The following VAV2 variants were observed in gnomAD, a reference collection of about 807,000 sequenced individuals.
The protein encoded by VAV2 is guanine nucleotide exchange factor VAV2.
In VAV2, 67 loss-of-function variants were observed where a neutral mutation model predicts 132.5. That is an observed-to-expected ratio of 0.51 (90% CI 0.42 to 0.62). The LOEUF is 0.62. Among genes scored for constraint, VAV2 ranks in the 20% least tolerant of loss-of-function variants. The pLI, the probability that VAV2 is intolerant of heterozygous loss-of-function variation, is 0.00. For synonymous variants in VAV2, 492 were observed against 443.5 expected (o/e 1.11, Z -1.37); for missense variants, 938 against 1,153.6 (o/e 0.81, Z 2.71).
rs57238201 is a variant in VAV2, at chr9:133,935,389, G to A, written c.321+3714C>T. On this transcript the variant is annotated intron_variant, in intron 2 of 29. Coordinates refer to ENST00000371850, the MANE Select transcript of VAV2 (RefSeq NM_001134398.2). This position sits in a 1 kb window ranked among gnomAD's most constrained non-coding sequence, Gnocchi z 5.2. ...GCCTATCAGCCCCGCCCTCCACACCGGCTCCTTGTGGTCAACAAGCTGGGA... is the reference window on the plus strand; with the variant it reads ...GCCTATCAGCCCCGCCCTCCACACCAGCTCCTTGTGGTCAACAAGCTGGGA... 0.056 allele frequency among the ~76,000 whole-genome samples: 8,554 copies of A among 152,226 alleles called. 296 individuals are homozygous for A. The highest frequency in any genetic ancestry group is 0.088 in the Middle Eastern group (26 of 294).
chr9:133,873,950 C>A (rs370961058), intron 2 of VAV2, among the ~76,000 whole-genome samples: 1 of 152,234 alleles, frequency 6.6e-6, no homozygotes, highest in Non-Finnish European at 1.5e-5. Context: ...AGCTAACCAC[C>A]GTCTAGGCCT....
At chr9:133,946,500 G>A (rs926108550) in intron 1 of VAV2, among the ~76,000 whole-genome samples, 1 of 152,236 alleles carries the variant, frequency 6.6e-6, no homozygotes, top group African/African-American at 2.4e-5. Context: ...ACGCCCTGCG[G>A]CAAAGGCTCC....
chr9:133,815,686 A>G (rs1835530311), intron 4 of VAV2, among the ~76,000 whole-genome samples: 1 of 152,100 alleles, frequency 6.6e-6, no homozygotes, highest in Non-Finnish European at 1.5e-5. Flanking sequence ...ACAACGTGCT[A>G]CCCATCTTCC....
At position 133,776,357 on chromosome 9, in the gene VAV2, G is replaced by A. The variant is rs143706495; in HGVS notation, c.1966-277C>T. ...TTGATCCCCTGGGACAGCAAGGACC[G>A]AAGGTGCGGGAAGTTTTCAGCCAGT... is the stretch of plus-strand genomic sequence containing the variant. On this transcript the variant is annotated intron_variant, in intron 23 of 29. Transcript: ENST00000371850. Among the ~76,000 whole-genome samples the A allele has an allele frequency of 5.3e-3, 792 of 149,904 alleles. 20 individuals carry two copies. Among genetic ancestry groups the A allele is most frequent in the Admixed American group, 0.041 (613 of 15,116 alleles).
chr9:133,989,351 A>G (rs973801094), intron 1 of VAV2, among the ~76,000 whole-genome samples: 1 of 150,350 alleles, frequency 6.7e-6, no homozygotes, highest in African/African-American at 2.5e-5. Flanking sequence ...AAAAAAAAAA[A>G]AAACAAAAAA....
rs1467466314 is a variant in VAV2, at chr9:133,945,815, TC to T, written c.205-6597del. Among the ~76,000 whole-genome samples the T allele has an allele frequency of 3.3e-5, 5 of 152,034 alleles. No homozygotes were observed. In the East Asian group the frequency reaches 9.7e-4, roughly 29 times the overall value. On this transcript the variant is annotated intron_variant, in intron 1 of 29. Coordinates refer to ENST00000371850, the MANE Select transcript of VAV2 (RefSeq NM_001134398.2). ...GACTCCTGTCCTGCACAGTCCTACC[TC>T]CCCCTGGCCTCTTGCACACAACCAC...
Position 133,896,213 on chromosome 9 carries a change from G to C in VAV2, c.322-34781C>G, listed in dbSNP as rs760506357. On this transcript the variant is annotated intron_variant, in intron 2 of 29. Coordinates refer to ENST00000371850, the MANE Select transcript of VAV2 (RefSeq NM_001134398.2). Reference sequence around the variant, plus strand: ...CTTACGCCTATAATCCCAGCACTTTGGGAGCGCGAGGCATGCGGATCACTT... The same window carrying C: ...CTTACGCCTATAATCCCAGCACTTTCGGAGCGCGAGGCATGCGGATCACTT... 3.2e-4 allele frequency among the ~76,000 whole-genome samples: 48 copies of C among 152,222 alleles called. 1 individual carries two copies. The highest frequency in any genetic ancestry group is 6.0e-4 in the Non-Finnish European group (41 of 68,042).
rs991906856 is a variant in VAV2 at position 133,919,394 on chromosome 9, G to A, written c.321+19709C>T. On this transcript the variant is annotated intron_variant, in intron 2 of 29. Coordinates refer to ENST00000371850, the MANE Select transcript of VAV2 (RefSeq NM_001134398.2). This position sits in a 1 kb window ranked among gnomAD's most constrained non-coding sequence, Gnocchi z 5.8. Reference sequence around the variant, plus strand: ...TTGAAACCAGATCCTGGGAGCTGCAGACCATAATCTCTGCTTCACTGGGTG... The same window carrying A: ...TTGAAACCAGATCCTGGGAGCTGCAAACCATAATCTCTGCTTCACTGGGTG... Among the ~76,000 whole-genome samples the A allele has an allele frequency of 2.6e-5, 4 of 152,194 alleles. No individual in the cohort carries two copies. Among genetic ancestry groups the A allele is most frequent in the Non-Finnish European group, 4.4e-5 (3 of 68,038 alleles).
intron 2 of VAV2, among the ~76,000 whole-genome samples, chr9:133,871,511 TGGATGGTG>T (rs1838054666): frequency 2.8e-5 from 4 of 144,218 alleles, no homozygotes; most frequent in Middle Eastern, 3.3e-3. Context: ...GATGGATGGA[TGGATGGTG>T]GGTAGATGGA....
Position 133,883,824 on chromosome 9 carries a change from C to T in VAV2, c.322-22392G>A, listed in dbSNP as rs1414196654. Among the ~76,000 whole-genome samples, 1 of 152,204 alleles carries T rather than the reference C, an allele frequency of 6.6e-6. No homozygotes were observed. The highest frequency in any genetic ancestry group is 1.5e-5 in the Non-Finnish European group (1 of 68,044). On this transcript the variant is annotated intron_variant, in intron 2 of 29. Coordinates refer to ENST00000371850, the MANE Select transcript of VAV2 (RefSeq NM_001134398.2). This position sits in a 1 kb window ranked among gnomAD's most constrained non-coding sequence, Gnocchi z 4.2. ...ACTCACACTTGAGGTCCACAGGTGACTAGCAACTTTGCTTAAATTGATTCT... is the reference window on the plus strand; with the variant it reads ...ACTCACACTTGAGGTCCACAGGTGATTAGCAACTTTGCTTAAATTGATTCT...
At chr9:133,806,853 A>C (rs977440476) in intron 8 of VAV2, among the ~76,000 whole-genome samples, 1 of 152,252 alleles carries the variant, frequency 6.6e-6, no homozygotes, top group African/African-American at 2.4e-5. Flanking sequence ...TGCTCTGCTA[A>C]CCACGTCTAG....
intron 4 of VAV2, among the ~76,000 whole-genome samples, chr9:133,828,902 G>T (rs774837879): frequency 2.0e-5 from 3 of 152,162 alleles, no homozygotes; most frequent in Non-Finnish European, 4.4e-5. Context: ...TCCTCCTTGG[G>T]TGCTGAGGCC....
At chr9:133,812,708 G>A (rs1389525806) in intron 4 of VAV2, among the ~76,000 whole-genome samples, 2 of 152,132 alleles carry the variant, frequency 1.3e-5, no homozygotes, top group Non-Finnish European at 2.9e-5. Context: ...CAAAGTTTCC[G>A]GGTACATGGA....
chr9:133,854,401 G>T (rs1190252393), intron 3 of VAV2, among the ~76,000 whole-genome samples: 1 of 152,232 alleles, frequency 6.6e-6, no homozygotes, highest in Non-Finnish European at 1.5e-5. Context: ...AAACTTGGAG[G>T]CCCCAGCCAT....
chr9:133,965,532 A>G (rs766097174), intron 1 of VAV2, among the ~76,000 whole-genome samples: 37 of 150,734 alleles, frequency 2.5e-4, no homozygotes, highest in Middle Eastern at 3.4e-3. Context: ...AATACCATTT[A>G]TAACAGCTAC....
intron 2 of VAV2, among the ~76,000 whole-genome samples, chr9:133,866,301 TC>T (rs538586078): frequency 1.3e-3 from 194 of 152,342 alleles, no homozygotes; most frequent in African/African-American, 4.4e-3. Flanking sequence ...AAAGAGGGAT[TC>T]TACGTGTTGG....
At chr9:133,896,044 A>G (rs1839188217) in intron 2 of VAV2, among the ~76,000 whole-genome samples, 2 of 94,308 alleles carry the variant, frequency 2.1e-5, no homozygotes, top group Admixed American at 2.0e-4. Context: ...AAGTGAACAA[A>G]GGTCTCTGGT....
chr9:133,974,423 C>T (rs1193036254), intron 1 of VAV2, among the ~76,000 whole-genome samples: 1 of 152,130 alleles, frequency 6.6e-6, no homozygotes, highest in Non-Finnish European at 1.5e-5. Context: ...GGTGAGGTGA[C>T]CAGGGCACAA....
chr9:133,980,618 A>T (rs1447381372), intron 1 of VAV2, among the ~76,000 whole-genome samples: 1 of 152,042 alleles, frequency 6.6e-6, no homozygotes, highest in Non-Finnish European at 1.5e-5. Context: ...CAGACTCATC[A>T]TCTGCTGCAG....
Sources: gnomAD v4.1 joint callset for allele counts (sites outside exome capture counted in the v4.1 genomes callset) on GRCh38, gnomAD v4.1.1 for gene constraint, Gnocchi (gnomAD v3.1) non-coding constraint, MANE v1.5 for transcripts, NCBI Gene and HGNC (gene_info 2026-07-23, HGNC 2026-07-21) for gene names.